SUV39H1: variants seen among roughly 807,000 people sequenced by gnomAD.
SUV39H1 encodes histone-lysine N-methyltransferase SUV39H1.
For synonymous variants in SUV39H1, 141 were observed against 150.5 expected (o/e 0.94, Z 0.46); for missense variants, 180 against 386.3 (o/e 0.47, Z 4.48).
In SUV39H1 at chrX:48,700,369, G is replaced by A. The variant is rs1557009252; in HGVS notation, c.444G>A (p.Glu148=). The change falls in exon 3 of 6, where the codon GAG becomes GAA. Residue 148 remains glutamate, a synonymous_variant. Transcript: ENST00000376687. ...KRSHLGRITV[E]NEVDLDGPPR... is the part of the protein sequence containing the mutation. ...GCCATCTGGGACGCATCACTGTAGA[G>A]AATGAGGTGGACCTGGACGGCCCTC... The A allele has an allele frequency of 3.3e-6, 4 of 1,212,340 alleles. No homozygotes were observed. Among genetic ancestry groups the A allele is most frequent in the Non-Finnish European group, 4.5e-6 (4 of 895,643 alleles).
intron 1 of SUV39H1, 50 bp from the exon 2 acceptor site, chrX:48,698,852 G>A (rs782358949): frequency 1.9e-5 from 22 of 1,181,552 alleles, no homozygotes; most frequent in African/African-American, 1.1e-4. Flanking sequence ...TTTGACTCCT[G>A]GCCTAGTCAG....
At position 48,707,946 on chromosome X, in the gene SUV39H1, C is replaced by T; in HGVS notation, c.*376C>T. The T allele has an allele frequency of 3.7e-6, 1 of 270,972 alleles. No homozygotes were observed. Among genetic ancestry groups the T allele is most frequent in the Admixed American group, 4.2e-5 (1 of 23,542 alleles). The allele number at this position is 270,972 out of a possible 1,213,427, so 22.3% of individuals were successfully genotyped here. A position where few individuals can be genotyped will look rare whatever the true frequency, so the allele number is the denominator to read the frequency against. Reference sequence around the variant, plus strand: ...TTCTGCCTGGAGATTGAGGGGTCTGCTGCAGGCCTCCTCCCTGCTGCCCCA... The same window carrying T: ...TTCTGCCTGGAGATTGAGGGGTCTGTTGCAGGCCTCCTCCCTGCTGCCCCA... On this transcript the variant is annotated 3_prime_UTR_variant, in exon 6 of 6. Coordinates refer to ENST00000376687, the MANE Select transcript of SUV39H1 (RefSeq NM_003173.4).
chrX:48,695,903 G>T (rs1557008477), upstream of SUV39H1: 1 of 1,154,961 alleles, frequency 8.7e-7, no homozygotes, highest in Admixed American at 2.6e-5. Context: ...ACCTCTAGTT[G>T]CTGTGACTAT....
chrX:48,697,169 G>A (rs2062459405), intron 1 of SUV39H1, among the ~76,000 whole-genome samples: 1 of 111,238 alleles, frequency 9.0e-6, no homozygotes, highest in African/African-American at 3.3e-5. Context: ...CACGCGAGAC[G>A]CCGGAAGGGG....
chrX:48,706,447 G>A (rs782700678), intron 4 of SUV39H1, 36 bp downstream of exon 4: 106 of 1,199,199 alleles, frequency 8.8e-5, no homozygotes, highest in Non-Finnish European at 1.1e-4. Context: ...GGGGTCGAGA[G>A]GGGCAGGCTG....
At chrX:48,696,311 G>A (rs1382507017), upstream of SUV39H1, among the ~76,000 whole-genome samples, 5 of 112,456 alleles carry the variant, frequency 4.4e-5, no homozygotes, top group Non-Finnish European at 9.4e-5. Context: ...ATGGGGGCCG[G>A]GAGTCTGACT....
At chrX:48,698,283 G>A (rs2062462972) in intron 1 of SUV39H1, among the ~76,000 whole-genome samples, 1 of 111,850 alleles carries the variant, frequency 8.9e-6, no homozygotes, top group Non-Finnish European at 1.9e-5. Context: ...GCTGCAGGAC[G>A]GTTAATGCAT....
chrX:48,707,486 G>A lies in SUV39H1; in HGVS notation c.1155G>A (p.Leu385=). The stretch of plus-strand genomic sequence containing the variant: ...CCCGCATGGACTCCAACTTTGGCCT[G>A]GCTGGGCTCCCTGGCTCCCCTAAGA... ...ESTRMDSNFG[L]AGLPGSPKKR... is the part of the protein sequence containing the mutation. Residue 385 remains leucine (L), a synonymous_variant, in exon 6 of 6, where the codon CTG becomes CTA. Coordinates refer to ENST00000376687, the MANE Select transcript of SUV39H1 (RefSeq NM_003173.4). 2 of 1,210,862 alleles carry A rather than the reference G, an allele frequency of 1.7e-6. No individual in the cohort carries two copies. The highest frequency in any genetic ancestry group is 2.2e-6 in the Non-Finnish European group (2 of 895,138).
chrX:48,707,317 A>C, intron 5 of SUV39H1, 120 bp from the exon 6 acceptor site: 1 of 712,115 alleles, frequency 1.4e-6, no homozygotes, highest in Non-Finnish European at 2.1e-6. Context: ...GGGTAGTGGG[A>C]CCCTTCATCC....
chrX:48,695,917 C>T, upstream of SUV39H1: 1 of 1,145,344 alleles, frequency 8.7e-7, no homozygotes, highest in Non-Finnish European at 1.2e-6. Context: ...TGACTATTTG[C>T]TTTGAGGGCC....
rs782087959 is a variant in SUV39H1 at position 48,699,212 on chromosome X, G to A, written c.165+165G>A. The stretch of plus-strand genomic sequence containing the variant: ...CTTTTATCCCTATGTTACAGATAGG[G>A]AAACTAAGTAGCTTTCTGGGCAGGA... On this transcript the variant is annotated intron_variant, in intron 2 of 5. Coordinates refer to ENST00000376687, the MANE Select transcript of SUV39H1 (RefSeq NM_003173.4). 3.1e-5 allele frequency: 15 copies of A among 487,156 alleles called. No homozygotes were observed. The South Asian group carries it at 7.3e-4, about 24-fold the overall frequency. The allele number at this position is 487,156 out of a possible 1,213,427, so 40.1% of individuals were successfully genotyped here.
At chrX:48,703,919 TA>T (rs1365998662) in intron 3 of SUV39H1, among the ~76,000 whole-genome samples, 1 of 107,386 alleles carries the variant, frequency 9.3e-6, no homozygotes, top group Non-Finnish European at 1.9e-5. Flanking sequence ...GTACAATGGA[TA>T]AAAAAATAAA....
rs1239135154 is a variant in SUV39H1 at position 48,700,065 on chromosome X, C to T, written c.166-26C>T. The T allele has an allele frequency of 6.2e-6, 7 of 1,124,121 alleles. No individual in the cohort carries two copies. In the African/African-American group the frequency reaches 7.3e-5, roughly 12 times the overall value. The allele number at this position is 1,124,121 out of a possible 1,213,427, so 92.6% of individuals were successfully genotyped here. On this transcript the variant is annotated intron_variant, in intron 2 of 5. Coordinates refer to ENST00000376687, the MANE Select transcript of SUV39H1 (RefSeq NM_003173.4). ...CAAAGATCTCACTACTTACGGTACC[C>T]CCGTCCCCCTACCCACCCCCAACAG...
At chrX:48,703,973 C>CTTT (rs34687892) in intron 3 of SUV39H1, among the ~76,000 whole-genome samples, 2 of 95,257 alleles carry the variant, frequency 2.1e-5, no homozygotes, top group Non-Finnish European at 4.3e-5. Context: ...CAGGCTGTAG[C>CTTT]TTTTTTTTTT....
At position 48,706,363 on chromosome X, in the gene SUV39H1, C is replaced by T; in HGVS notation, c.927C>T (p.Thr309=). The change falls in exon 4 of 6, where the codon ACC becomes ACT. Residue 309 remains threonine, a synonymous_variant. Transcript: ENST00000376687. ...FDLDYVEDVY[T]VDAAYYGNIS... ...TGGACTACGTGGAGGACGTGTACACCGTGGATGCCGCCTACTATGGCAACA... is the reference window on the plus strand; with the variant it reads ...TGGACTACGTGGAGGACGTGTACACTGTGGATGCCGCCTACTATGGCAACA... 1 of 1,211,753 alleles carries T rather than the reference C, an allele frequency of 8.3e-7. No homozygotes were observed. Among genetic ancestry groups the T allele is most frequent in the Non-Finnish European group, 1.1e-6 (1 of 895,401 alleles).
At chrX:48,700,063 C>T in intron 2 of SUV39H1, 28 bp from the exon 3 acceptor site, 1 of 1,110,213 alleles carries the variant, frequency 9.0e-7, no homozygotes, top group Non-Finnish European at 1.2e-6. Context: ...ACTTACGGTA[C>T]CCCCGTCCCC....
At chrX:48,701,702 C>T (rs2062475784) in intron 3 of SUV39H1, among the ~76,000 whole-genome samples, 1 of 111,337 alleles carries the variant, frequency 9.0e-6, no homozygotes. Flanking sequence ...CAAGTATCTA[C>T]AACAGAAAAA....
chrX:48,706,828 A>T (rs1419916722), intron 5 of SUV39H1, among the ~76,000 whole-genome samples: 6 of 110,034 alleles, frequency 5.5e-5, no homozygotes, highest in African/African-American at 2.0e-4. Flanking sequence ...CCAGCCCCTG[A>T]ACCCTAACCC....
chrX:48,698,090 T>A (rs1326933951), intron 1 of SUV39H1, among the ~76,000 whole-genome samples: 1 of 112,341 alleles, frequency 8.9e-6, no homozygotes, highest in African/African-American at 3.2e-5. Context: ...AGCCTTCCTG[T>A]AATGTAGTAT....
Sources: gnomAD v4.1 joint callset for allele counts (sites outside exome capture counted in the v4.1 genomes callset) on GRCh38, gnomAD v4.1.1 for gene constraint, MANE v1.5 for transcripts, NCBI Gene and HGNC (gene_info 2026-07-23, HGNC 2026-07-21) for gene names.